Variants in SYT1 observed in about 807,000 individuals in gnomAD.
SYT1 encodes the protein synaptotagmin 1.
A neutral mutation model predicts 44.8 loss-of-function variants in SYT1; 8 were observed. The observed-to-expected ratio is 0.18, with a 90% CI of 0.10 to 0.32. The LOEUF is 0.32. Ranked by LOEUF, SYT1 falls within the 10% of genes least tolerant of loss-of-function variation. The pLI, the probability that SYT1 is intolerant of heterozygous loss-of-function variation, is 1.00. For missense variants in SYT1, 286 were observed against 509.3 expected (o/e 0.56, Z 4.22); for synonymous variants, 154 against 188.8 (o/e 0.82, Z 1.51).
chr12:78,973,099 C>G (rs1025076637), intron 1 of SYT1, among the ~76,000 whole-genome samples: 40 of 152,146 alleles, frequency 2.6e-4, no homozygotes, highest in Admixed American at 2.6e-3. Context: ...ACTACAACAA[C>G]TCTAACAACT....
At chr12:79,106,078 T>C (rs572946304) in intron 3 of SYT1, among the ~76,000 whole-genome samples, 6 of 152,114 alleles carry the variant, frequency 3.9e-5, no homozygotes, top group Non-Finnish European at 5.9e-5. Flanking sequence ...TCAGAAGAAA[T>C]TGAGTGAACT....
At chr12:79,210,083 A>T (rs138174590) in intron 3 of SYT1, among the ~76,000 whole-genome samples, 4 of 152,308 alleles carry the variant, frequency 2.6e-5, no homozygotes, top group African/African-American at 9.6e-5. Flanking sequence ...CTATCTTACT[A>T]TGTAATCTGA....
chr12:79,010,075 GA>G (rs1417028560), intron 2 of SYT1, among the ~76,000 whole-genome samples: 1 of 152,124 alleles, frequency 6.6e-6, no homozygotes. Flanking sequence ...GTTATTGCTA[GA>G]TGAATACTGT....
At chr12:79,340,230 G>A (rs991056743) in intron 8 of SYT1, among the ~76,000 whole-genome samples, 1 of 152,102 alleles carries the variant, frequency 6.6e-6, no homozygotes, top group Non-Finnish European at 1.5e-5. Context: ...GCTTGATGGG[G>A]ATGGCACTGA....
intron 9 of SYT1, among the ~76,000 whole-genome samples, chr12:79,411,273 A>G (rs1241784362): frequency 6.6e-6 from 1 of 152,190 alleles, no homozygotes; most frequent in Non-Finnish European, 1.5e-5. Context: ...GGGAAAAATA[A>G]GTGTGAACCT....
At chr12:78,968,572 A>G (rs1868302204) in intron 1 of SYT1, among the ~76,000 whole-genome samples, 2 of 152,200 alleles carry the variant, frequency 1.3e-5, no homozygotes, top group Admixed American at 6.5e-5. Context: ...AGTAACTCAT[A>G]TCTCTTAATT....
At chr12:78,962,345 T>G (rs1247950163) in intron 1 of SYT1, among the ~76,000 whole-genome samples, 1 of 151,602 alleles carries the variant, frequency 6.6e-6, no homozygotes. Flanking sequence ...TTTTTTTTTT[T>G]TTTTTTGAGT....
At chr12:78,898,389 T>C (rs1875478326) in intron 1 of SYT1, among the ~76,000 whole-genome samples, 1 of 152,080 alleles carries the variant, frequency 6.6e-6, no homozygotes, top group Non-Finnish European at 1.5e-5. Flanking sequence ...AAATAGCAAG[T>C]TGGTGCTTGA....
chr12:79,306,175 A>G (rs1448369601), intron 8 of SYT1, among the ~76,000 whole-genome samples: 1 of 152,246 alleles, frequency 6.6e-6, no homozygotes, highest in East Asian at 1.9e-4. Flanking sequence ...GTGCTTAAAT[A>G]AATATTTTCA....
intron 3 of SYT1, among the ~76,000 whole-genome samples, chr12:79,180,256 G>C (rs1048434330): frequency 2.4e-4 from 36 of 151,936 alleles, no homozygotes; most frequent in Admixed American, 1.1e-3. Context: ...AAAATAAAGA[G>C]CTTTTCTAGA....
At chr12:79,337,174 G>A (rs144341924) in intron 8 of SYT1, among the ~76,000 whole-genome samples, 45 of 152,254 alleles carry the variant, frequency 3.0e-4, no homozygotes, top group African/African-American at 1.0e-3. Flanking sequence ...AGACAAAGAA[G>A]ATATTATTTA....
chr12:78,931,029 G>A (rs1377596763), intron 1 of SYT1, among the ~76,000 whole-genome samples: 1 of 151,168 alleles, frequency 6.6e-6, no homozygotes, highest in Non-Finnish European at 1.5e-5. Context: ...AGGCGCTGTG[G>A]CTCACGCGTG....
chr12:79,031,204 T>G (rs1429492150), intron 2 of SYT1, among the ~76,000 whole-genome samples: 1 of 151,162 alleles, frequency 6.6e-6, no homozygotes, highest in East Asian at 1.9e-4. Flanking sequence ...ATATCACAAT[T>G]ATTTGACTTC....
rs531233039 is a variant in SYT1, at chr12:78,904,450, T to C, written c.-217+39341T>C. Among the ~76,000 whole-genome samples, 11 of 152,294 alleles carry C rather than the reference T, an allele frequency of 7.2e-5. No homozygotes were observed. The East Asian group carries it at 1.7e-3, about 24-fold the overall frequency. On this transcript the variant is annotated intron_variant, in intron 1 of 10. Coordinates refer to ENST00000261205, the MANE Select transcript of SYT1 (RefSeq NM_005639.3). ...TAATGTACTGGATCTTTGGAGAACA[T>C]GGATGTATAAAACATCATAACCTCT... is the stretch of plus-strand genomic sequence containing the variant.
chr12:79,207,139 AG>A (rs1874172445), intron 3 of SYT1, among the ~76,000 whole-genome samples: 1 of 152,202 alleles, frequency 6.6e-6, no homozygotes, highest in East Asian at 1.9e-4. Context: ...CCATTGAATC[AG>A]GTACACATTC....
rs73354744 is a variant in SYT1, at chr12:79,382,267, C to A, written c.928+28648C>A. 4.5e-3 allele frequency among the ~76,000 whole-genome samples: 689 copies of A among 152,184 alleles called. 7 individuals are homozygous for A. The highest frequency in any genetic ancestry group is 0.016 in the African/African-American group (658 of 41,506). ...TTGCCTATAATGCTCTAAAGTTGAT[C>A]CCTAGTGTGAAAGAGAGTGCTGCTT... On this transcript the variant is annotated intron_variant, in intron 9 of 10. Coordinates refer to ENST00000261205, the MANE Select transcript of SYT1 (RefSeq NM_005639.3).
In SYT1 at chr12:78,870,023, G is replaced by A. The variant is rs1004835733; in HGVS notation, c.-217+4914G>A. 6.6e-5 allele frequency among the ~76,000 whole-genome samples: 10 copies of A among 152,182 alleles called. No homozygotes were observed. In the South Asian group the frequency reaches 1.7e-3, roughly 25 times the overall value. ...TAAAGCAGATGAAGATATAAAACAC[G>A]CCTTCTATTTCTAGCTGTTTGTACA... On this transcript the variant is annotated intron_variant, in intron 1 of 10. Transcript: ENST00000261205.
intron 1 of SYT1, among the ~76,000 whole-genome samples, chr12:78,915,430 G>A (rs947392880): frequency 1.7e-4 from 26 of 151,988 alleles, no homozygotes; most frequent in African/African-American, 4.8e-5. Context: ...TAGACTCGAA[G>A]GAGGGTGAGA....
chr12:79,194,358 C>G (rs984288746), intron 3 of SYT1, among the ~76,000 whole-genome samples: 1 of 152,068 alleles, frequency 6.6e-6, no homozygotes, highest in African/African-American at 2.4e-5. Context: ...CAGTGGGTCT[C>G]AAAGACAAGC....
Sources: gnomAD v4.1 joint callset for allele counts (sites outside exome capture counted in the v4.1 genomes callset) on GRCh38, gnomAD v4.1.1 for gene constraint, MANE v1.5 for transcripts, NCBI Gene and HGNC (gene_info 2026-07-23, HGNC 2026-07-21) for gene names.